The following CASP6 variants were observed in gnomAD, a reference collection of about 807,000 sequenced individuals.
CASP6 encodes caspase 6.
In CASP6, 20 loss-of-function variants were observed where a neutral mutation model predicts 31.8. That is an observed-to-expected ratio of 0.63 (90% CI 0.44 to 0.91). CASP6 has a LOEUF of 0.91. Ranked by LOEUF, CASP6 falls within the 40% of genes least tolerant of loss-of-function variation. The probability of loss-of-function intolerance (pLI) is 0.00; values close to 1 mark genes in which losing one functional copy is unlikely to be tolerated. For synonymous variants in CASP6, 130 were observed against 127.8 expected, an observed-to-expected ratio of 1.02 and a Z score of -0.12; for missense variants, 328 against 361.1, an observed-to-expected ratio of 0.91 and a Z score of 0.74.
chr4:109,707,391 T>TTA (rs1730641931), upstream of CASP6, among the ~76,000 whole-genome samples: 2 of 151,738 alleles, frequency 1.3e-5, no homozygotes, highest in African/African-American at 4.8e-5. Context: ...TCCTGGATTT[T>TTA]TTTTTTTTTT....
downstream of CASP6, chr4:109,687,559 A>G: frequency 6.2e-7 from 1 of 1,612,292 alleles, no homozygotes; most frequent in South Asian, 1.1e-5. Flanking sequence ...TCTGTTTGCA[A>G]ATGCAAGTAG....
At chr4:109,671,595 C>G in the CASP6 span, among the ~76,000 whole-genome samples, 8 of 151,950 alleles carry the variant, frequency 5.3e-5, no homozygotes, top group East Asian at 1.6e-3. Flanking sequence ...AAGTTTCTAT[C>G]TCTCCATTTA....
At chr4:109,673,799 G>A in the CASP6 span, 1 of 655,198 alleles carries the variant, frequency 1.5e-6, no homozygotes, top group Non-Finnish European at 2.8e-6. Context: ...CGGTTGGCGG[G>A]TGAGAGGTTT....
chr4:109,689,373 G>A lies in CASP6; in HGVS notation c.839C>T (p.Ser280Leu). ...IGKKQVPCFA[S>L]MLTKKLHFFP... ...GAAATGCAGCTTTTTAGTTAGCATT[G>A]AGGCAAAACAGGGAACCTGCTTCTT... is the stretch of plus-strand genomic sequence containing the variant. Residue 280 changes from serine to leucine, a missense_variant, in exon 7 of 7, where the codon TCA (serine) becomes TTA (leucine). Physicochemically the swap from Ser to Leu is moderately radical, Grantham distance 145. Coordinates refer to ENST00000265164, the MANE Select transcript of CASP6 (RefSeq NM_001226.4). 2 of 1,614,196 alleles carry A rather than the reference G, an allele frequency of 1.2e-6. No homozygotes were observed. The highest frequency in any genetic ancestry group is 1.7e-6 in the Non-Finnish European group (2 of 1,180,032).
At chr4:109,700,174 G>T (rs554272245) in intron 1 of CASP6, among the ~76,000 whole-genome samples, 2 of 152,278 alleles carry the variant, frequency 1.3e-5, no homozygotes, top group South Asian at 2.1e-4. Flanking sequence ...ATGTATTCTT[G>T]CTTGGGTCTT....
chr4:109,676,293 CT>C, the CASP6 span, among the ~76,000 whole-genome samples: 1 of 152,230 alleles, frequency 6.6e-6, no homozygotes, highest in Admixed American at 6.5e-5. Context: ...AATCCCGGCA[CT>C]TTAGGAGGCT....
chr4:109,699,899 T>G (rs1023224923), intron 1 of CASP6, among the ~76,000 whole-genome samples: 6 of 152,172 alleles, frequency 3.9e-5, no homozygotes, highest in Non-Finnish European at 8.8e-5. Context: ...TTTAACCAAT[T>G]AGAGTATAAA....
At chr4:109,676,296 T>C in the CASP6 span, among the ~76,000 whole-genome samples, 4 of 152,152 alleles carry the variant, frequency 2.6e-5, no homozygotes, top group Admixed American at 6.5e-5. Flanking sequence ...CCCGGCACTT[T>C]AGGAGGCTGA....
At chr4:109,698,551 C>G (rs941399548) in intron 1 of CASP6, among the ~76,000 whole-genome samples, 4 of 152,220 alleles carry the variant, frequency 2.6e-5, no homozygotes, top group African/African-American at 9.6e-5. Flanking sequence ...TCACCCCCAA[C>G]TTGACCTGCA....
chr4:109,670,676 A>AT, the CASP6 span, among the ~76,000 whole-genome samples: 2 of 151,658 alleles, frequency 1.3e-5, no homozygotes, highest in African/African-American at 4.9e-5. Context: ...AGATCATGTC[A>AT]TTGCACTCCA....
chr4:109,703,004 G>A (rs1322502534), intron 1 of CASP6, among the ~76,000 whole-genome samples: 1 of 152,186 alleles, frequency 6.6e-6, no homozygotes, highest in Non-Finnish European at 1.5e-5. Flanking sequence ...GGAACGCCAG[G>A]CCCGCGTGGG....
the CASP6 span, among the ~76,000 whole-genome samples, chr4:109,677,161 T>C: frequency 2.8e-4 from 43 of 152,392 alleles, no homozygotes; most frequent in South Asian, 8.5e-3. Context: ...TGTTGTTTAC[T>C]ACCCTGTTGG....
In CASP6 at chr4:109,703,368, C is replaced by T; in HGVS notation, c.28G>A (p.Gly10Arg). MSSASGLRR[G>R]HPAGGEENMT... ...GCCCCCTGCCTACCTGCCGGGTGCC[C>T]CCTGCGGAGCCCCGAGGCCGAGCTC... The change falls in exon 1 of 7, where the codon GGG becomes AGG. Residue 10 changes from glycine to arginine, a missense_variant. Transcript: ENST00000265164. The T allele has an allele frequency of 6.2e-7, 1 of 1,611,042 alleles. No homozygotes were observed. The highest frequency in any genetic ancestry group is 8.5e-7 in the Non-Finnish European group (1 of 1,178,978).
intron 4 of CASP6, among the ~76,000 whole-genome samples, chr4:109,696,197 G>C (rs5030564): frequency 0.019 from 2,944 of 152,266 alleles, 105 homozygotes; most frequent in African/African-American, 0.068. Context: ...CTAGTGGTAT[G>C]CTAAATATAA....
chr4:109,687,499 C>T (rs368602375), downstream of CASP6: 285 of 1,591,298 alleles, frequency 1.8e-4, no homozygotes, highest in Middle Eastern at 5.0e-4. Context: ...CATGCTTTTT[C>T]TTTTTCCCAT....
chr4:109,691,631 C>T (rs1484855875), intron 5 of CASP6, among the ~76,000 whole-genome samples: 1 of 152,182 alleles, frequency 6.6e-6, no homozygotes, highest in Non-Finnish European at 1.5e-5. Flanking sequence ...ACATTAAACT[C>T]TTCTCATAAG....
chr4:109,666,956 CAATCTTTTTAGACATTGTTGT>C, the CASP6 span, among the ~76,000 whole-genome samples: 1 of 152,112 alleles, frequency 6.6e-6, no homozygotes, highest in African/African-American at 2.4e-5. Context: ...TGTGGTGTAG[CAATCTTTTTAGACATTGTTGT>C]ATTTTATTTG....
At chr4:109,685,314 C>G, downstream of CASP6, 1 of 1,592,430 alleles carries the variant, frequency 6.3e-7, no homozygotes, top group Non-Finnish European at 8.6e-7. Flanking sequence ...GAAATCAAAG[C>G]AACAGCACTT....
At chr4:109,701,714 T>G (rs1356225204) in intron 1 of CASP6, among the ~76,000 whole-genome samples, 1 of 152,218 alleles carries the variant, frequency 6.6e-6, no homozygotes, top group South Asian at 2.1e-4. Context: ...TGATAGTCCC[T>G]CCAGATAATC....
Sources: allele counts gnomAD v4.1 joint callset (sites outside exome capture counted in the v4.1 genomes callset), GRCh38; gene constraint gnomAD v4.1.1; transcripts MANE v1.5; gene names NCBI Gene and HGNC (gene_info 2026-07-23, HGNC 2026-07-21).